Variants in CHRDL1 observed in about 807,000 individuals in gnomAD.
CHRDL1 encodes chordin-like protein 1.
Under a neutral mutation model 40.9 loss-of-function variants are expected in CHRDL1, and 19 were observed. The ratio of observed to expected loss-of-function variants is 0.46; its 90% CI spans 0.32 to 0.68. The LOEUF is 0.68. CHRDL1 is among the 30% of genes least tolerant of loss of function. The pLI, the probability that CHRDL1 is intolerant of heterozygous loss-of-function variation, is 0.03. For missense variants in CHRDL1, 329 were observed against 352.1 expected (o/e 0.93, Z 0.53); for synonymous variants, 136 against 123.4 (o/e 1.10, Z -0.68).
At chrX:110,723,652 G>C (rs1201154279) in intron 4 of CHRDL1, among the ~76,000 whole-genome samples, 9 of 111,604 alleles carry the variant, frequency 8.1e-5, no homozygotes, top group Admixed American at 3.8e-4. Context: ...ATAAGGAAGG[G>C]ACCATTTAAT....
Position 110,705,304 on chromosome X carries a change from T to TACAC in CHRDL1, c.542-4587_542-4584dup, listed in dbSNP as rs1209653546. Among the ~76,000 whole-genome samples the TACAC allele has an allele frequency of 1.4e-4, 11 of 77,591 alleles. 1 individual carries two copies. Among genetic ancestry groups the TACAC allele is most frequent in the African/African-American group, 5.7e-4 (10 of 17,699 alleles). 67.4% of individuals were successfully genotyped at this position (77,591 alleles called of 115,157 possible). On this transcript the variant is annotated intron_variant, in intron 6 of 11. Coordinates refer to ENST00000372042, the MANE Select transcript of CHRDL1 (RefSeq NM_001143981.2). ...GACTATATATATATATATATATATATACACACACACATATATATATACACA... is the reference window on the plus strand; with the variant it reads ...GACTATATATATATATATATATATATACACACACACACACATATATATATACACA...
chrX:110,686,968 G>A (rs2070038007), intron 9 of CHRDL1, among the ~76,000 whole-genome samples: 1 of 107,705 alleles, frequency 9.3e-6, no homozygotes, highest in Non-Finnish European at 1.9e-5. Flanking sequence ...AAATTTCAAT[G>A]CCCCAGTTCT....
chrX:110,735,053 T>C (rs2071239459), intron 4 of CHRDL1, among the ~76,000 whole-genome samples: 1 of 111,143 alleles, frequency 9.0e-6, no homozygotes, highest in African/African-American at 3.3e-5. Flanking sequence ...CAATGACCCT[T>C]TGAAATGGAC....
intron 4 of CHRDL1, among the ~76,000 whole-genome samples, chrX:110,737,497 C>T (rs1350481741): frequency 1.8e-5 from 2 of 111,591 alleles, no homozygotes; most frequent in Admixed American, 1.9e-4. Flanking sequence ...AATCTCACAC[C>T]CACACTCCAG....
intron 4 of CHRDL1, among the ~76,000 whole-genome samples, chrX:110,741,150 C>T (rs1280090026): frequency 8.9e-6 from 1 of 111,858 alleles, no homozygotes; most frequent in Non-Finnish European, 1.9e-5. Context: ...AAAGCATACA[C>T]AAATCAAAAG....
chrX:110,696,855 G>A (rs2070396108), intron 7 of CHRDL1, among the ~76,000 whole-genome samples: 1 of 111,016 alleles, frequency 9.0e-6, no homozygotes, highest in African/African-American at 3.3e-5. Flanking sequence ...CTGACATAAA[G>A]GATTTTCTGT....
chrX:110,717,470 C>T (rs1055840388), intron 6 of CHRDL1, among the ~76,000 whole-genome samples: 6 of 111,673 alleles, frequency 5.4e-5, no homozygotes, highest in Non-Finnish European at 1.1e-4. Flanking sequence ...TGAGTGGCGA[C>T]AGGGAGTCAT....
Position 110,711,821 on chromosome X carries a change from T to C in CHRDL1, c.541+8014A>G, listed in dbSNP as rs978508837. On this transcript the variant is annotated intron_variant, in intron 6 of 11. Transcript: ENST00000372042. ...TCAAGTGTCTTAGGTAAAATGGCAC[T>C]TATCTTGAACACTGACTAATATACT... Among the ~76,000 whole-genome samples the C allele has an allele frequency of 4.2e-4, 47 of 112,366 alleles. 2 individuals are homozygous for C. The highest frequency in any genetic ancestry group is 1.4e-3 in the African/African-American group (43 of 30,918).
intron 2 of CHRDL1, among the ~76,000 whole-genome samples, chrX:110,779,985 C>CT (rs1362745049): frequency 9.0e-6 from 1 of 110,912 alleles, no homozygotes; most frequent in African/African-American, 3.3e-5. Flanking sequence ...TTGTTAATTG[C>CT]TGGTAGACAG....
At chrX:110,763,872 C>T (rs539887114) in intron 2 of CHRDL1, among the ~76,000 whole-genome samples, 16 of 111,652 alleles carry the variant, frequency 1.4e-4, no homozygotes, top group Middle Eastern at 4.6e-3. Flanking sequence ...CCAACATCTA[C>T]TGTTTTTTCG....
At chrX:110,774,979 A>C (rs1191041345) in intron 2 of CHRDL1, among the ~76,000 whole-genome samples, 1 of 111,902 alleles carries the variant, frequency 8.9e-6, no homozygotes, top group African/African-American at 3.2e-5. Flanking sequence ...TATCAACCAT[A>C]ATATGGACCG....
In CHRDL1 at chrX:110,721,484, G is replaced by A. The variant is rs1371094841; in HGVS notation, c.348C>T (p.Cys116=). ...PVNNKVTSKS[C]EYNGTTYQHG... is the part of the protein sequence containing the mutation. Reference sequence around the variant, plus strand: ...GTTGGTAAGTTGTCCCATTGTACTCGCAAGACTTGCTGGTCACCTTATTGT... The same window carrying A: ...GTTGGTAAGTTGTCCCATTGTACTCACAAGACTTGCTGGTCACCTTATTGT... The change falls in exon 5 of 12, where the codon TGC becomes TGT. Residue 116 remains cysteine, a synonymous_variant. Coordinates refer to ENST00000372042, the MANE Select transcript of CHRDL1 (RefSeq NM_001143981.2). 9.9e-6 allele frequency: 12 copies of A among 1,206,095 alleles called. No homozygotes were observed. The highest frequency in any genetic ancestry group is 1.8e-5 in the African/African-American group (1 of 57,039).
At chrX:110,778,889 C>T (rs2089894535) in intron 2 of CHRDL1, among the ~76,000 whole-genome samples, 1 of 111,683 alleles carries the variant, frequency 9.0e-6, no homozygotes. Context: ...AAAATGTGCA[C>T]ATATACACCA....
intron 6 of CHRDL1, among the ~76,000 whole-genome samples, chrX:110,714,163 C>T (rs955678981): frequency 7.2e-5 from 8 of 111,534 alleles, no homozygotes; most frequent in Non-Finnish European, 1.5e-4. Context: ...TCCCTCCTCT[C>T]ACCCTCCATC....
intron 6 of CHRDL1, among the ~76,000 whole-genome samples, chrX:110,704,323 A>C (rs1002526082): frequency 8.9e-6 from 1 of 111,843 alleles, no homozygotes; most frequent in African/African-American, 3.2e-5. Context: ...AATTCAAAAA[A>C]ATATAAAATT....
chrX:110,774,593 G>T (rs2089818029), intron 2 of CHRDL1, among the ~76,000 whole-genome samples: 1 of 111,236 alleles, frequency 9.0e-6, no homozygotes, highest in Non-Finnish European at 1.9e-5. Flanking sequence ...CTAATATGCA[G>T]CATGAGAACC....
intron 6 of CHRDL1, among the ~76,000 whole-genome samples, chrX:110,706,833 G>A (rs748048477): frequency 2.4e-4 from 27 of 112,374 alleles, no homozygotes; most frequent in Non-Finnish European, 4.1e-4. Context: ...AATGTGCCTC[G>A]GTTGAGATAG....
chrX:110,708,835 G>C (rs2070695613), intron 6 of CHRDL1, among the ~76,000 whole-genome samples: 1 of 111,469 alleles, frequency 9.0e-6, no homozygotes, highest in Admixed American at 9.5e-5. Context: ...GTGAGAAACA[G>C]AATCTTTGCT....
intron 6 of CHRDL1, among the ~76,000 whole-genome samples, chrX:110,712,948 C>A (rs1196571385): frequency 1.9e-5 from 2 of 107,894 alleles, no homozygotes; most frequent in Non-Finnish European, 3.8e-5. Flanking sequence ...GTAGAAAGAA[C>A]ATTATAGACC....
Sources: gnomAD v4.1 joint callset for allele counts (sites outside exome capture counted in the v4.1 genomes callset) on GRCh38, gnomAD v4.1.1 for gene constraint, MANE v1.5 for transcripts, NCBI Gene and HGNC (gene_info 2026-07-23, HGNC 2026-07-21) for gene names.